The following RANBP2 variants were observed in gnomAD, a reference collection of about 807,000 sequenced individuals.
RANBP2 encodes the protein RAN binding protein 2.
RANBP2 carries 57 observed loss-of-function variants against 303.6 expected under a neutral mutation model. The observed-to-expected ratio is 0.19, with a 90% CI of 0.15 to 0.23. The LOEUF is 0.23. Ranked by LOEUF, RANBP2 falls within the 10% of genes least tolerant of loss-of-function variation. The pLI is 1.00. For synonymous variants in RANBP2, 1,167 were observed against 1,301.5 expected, an observed-to-expected ratio of 0.90 and a Z score of 2.23; for missense variants, 3,138 against 3,780.8, an observed-to-expected ratio of 0.83 and a Z score of 4.46.
the RANBP2 span, among the ~76,000 whole-genome samples, chr2:109,346,774 G>A: frequency 1.3e-5 from 2 of 152,326 alleles, no homozygotes; most frequent in African/African-American, 2.4e-5. Context: ...GTTTGAGACC[G>A]AGGATGGCAG....
chr2:109,154,363 C>T, the RANBP2 span, among the ~76,000 whole-genome samples: 1 of 152,146 alleles, frequency 6.6e-6, no homozygotes, highest in Non-Finnish European at 1.5e-5. Context: ...GGGGAAGCTT[C>T]TGGGTAGGGA....
chr2:109,715,210 A>G, the RANBP2 span, among the ~76,000 whole-genome samples: 123 of 151,902 alleles, frequency 8.1e-4, 1 homozygote, highest in African/African-American at 2.8e-3. Flanking sequence ...GAGGTGATCC[A>G]CCCACCTCGG....
chr2:109,049,443 G>GCA, the RANBP2 span, among the ~76,000 whole-genome samples: 3 of 152,150 alleles, frequency 2.0e-5, no homozygotes, highest in African/African-American at 7.2e-5. Flanking sequence ...TTTACGGCGA[G>GCA]CACTTCTCTG....
At chr2:109,092,096 C>T in the RANBP2 span, among the ~76,000 whole-genome samples, 1 of 152,056 alleles carries the variant, frequency 6.6e-6, no homozygotes, top group East Asian at 1.9e-4. Context: ...ATTTGGAAGG[C>T]CTTCTGTCTG....
chr2:109,290,486 G>A, the RANBP2 span, among the ~76,000 whole-genome samples: 30 of 152,296 alleles, frequency 2.0e-4, no homozygotes, highest in South Asian at 4.1e-3. Flanking sequence ...ATTCTATAGC[G>A]CCCAACTTCT....
the RANBP2 span, among the ~76,000 whole-genome samples, chr2:109,059,605 C>T: frequency 3.9e-5 from 6 of 151,946 alleles, no homozygotes; most frequent in East Asian, 5.8e-4. Context: ...ACAACATGGC[C>T]GTTGTCCAGG....
the RANBP2 span, among the ~76,000 whole-genome samples, chr2:109,226,816 T>G: frequency 6.6e-6 from 1 of 152,154 alleles, no homozygotes; most frequent in Non-Finnish European, 1.5e-5. Context: ...GAACAGCTGG[T>G]TACAGAAATG....
the RANBP2 span, among the ~76,000 whole-genome samples, chr2:109,133,091 G>T: frequency 6.6e-6 from 1 of 152,216 alleles, no homozygotes; most frequent in Non-Finnish European, 1.5e-5. Context: ...GACAGTAGAG[G>T]TAGTGAGTGG....
the RANBP2 span, among the ~76,000 whole-genome samples, chr2:109,165,054 G>C: frequency 1.3e-5 from 2 of 152,194 alleles, no homozygotes; most frequent in African/African-American, 4.8e-5. Context: ...TTCCATCTCT[G>C]TTGGCAGTGG....
chr2:109,050,209 A>C, the RANBP2 span, among the ~76,000 whole-genome samples: 1 of 152,200 alleles, frequency 6.6e-6, no homozygotes, highest in African/African-American at 2.4e-5. Flanking sequence ...CTTTGGATAT[A>C]ATGGCCTAAA....
the RANBP2 span, among the ~76,000 whole-genome samples, chr2:109,647,836 C>T: frequency 2.6e-5 from 4 of 152,194 alleles, no homozygotes; most frequent in Non-Finnish European, 5.9e-5. Context: ...TATGCCCTTG[C>T]TTCTTGAAAG....
chr2:109,475,292 A>G, the RANBP2 span, among the ~76,000 whole-genome samples: 1 of 152,076 alleles, frequency 6.6e-6, no homozygotes, highest in Non-Finnish European at 1.5e-5. Flanking sequence ...ATTATCTTAA[A>G]TCTCCGAGGG....
At chr2:109,504,852 A>AGACCCAGAGCATGTACCAT in the RANBP2 span, among the ~76,000 whole-genome samples, 1 of 152,332 alleles carries the variant, frequency 6.6e-6, no homozygotes. Context: ...GTCTGTACCC[A>AGACCCAGAGCATGTACCAT]GCACATGCCA....
the RANBP2 span, among the ~76,000 whole-genome samples, chr2:109,162,938 C>T: frequency 6.6e-6 from 1 of 152,170 alleles, no homozygotes; most frequent in Admixed American, 6.5e-5. Flanking sequence ...TGATGCCTTT[C>T]AAGATAGCTG....
the RANBP2 span, among the ~76,000 whole-genome samples, chr2:109,680,362 C>T: frequency 6.7e-6 from 1 of 149,204 alleles, no homozygotes; most frequent in African/African-American, 2.5e-5. Flanking sequence ...CAGAGCGAGA[C>T]TCTGTCTCAA....
chr2:109,411,734 G>A, the RANBP2 span, among the ~76,000 whole-genome samples: 2 of 152,174 alleles, frequency 1.3e-5, no homozygotes, highest in African/African-American at 2.4e-5. Flanking sequence ...CCGGCCACAC[G>A]GGAGCCACGC....
At chr2:109,349,650 G>T in the RANBP2 span, among the ~76,000 whole-genome samples, 1 of 152,242 alleles carries the variant, frequency 6.6e-6, no homozygotes, top group Non-Finnish European at 1.5e-5. Context: ...GGCTTGGCGG[G>T]CTCCAGGCTG....
At chr2:108,906,356 T>C in the RANBP2 span, 2 of 1,613,990 alleles carry the variant, frequency 1.2e-6, no homozygotes, top group Non-Finnish European at 1.7e-6. Context: ...ATCTTTTTCC[T>C]CCGGCTTTGA....
the RANBP2 span, among the ~76,000 whole-genome samples, chr2:109,510,901 C>T: frequency 1.3e-5 from 2 of 152,166 alleles, no homozygotes; most frequent in Non-Finnish European, 2.9e-5. Context: ...TCCAGGAGCC[C>T]CTGGCCTCCT....
Sources: allele counts gnomAD v4.1 joint callset (sites outside exome capture counted in the v4.1 genomes callset), GRCh38; gene constraint gnomAD v4.1.1; transcripts MANE v1.5; gene names NCBI Gene and HGNC (gene_info 2026-07-23, HGNC 2026-07-21).